Variants in ANKRD30B observed in about 807,000 individuals in gnomAD.
ANKRD30B encodes ankyrin repeat domain-containing protein 30B.
A neutral mutation model predicts 202.2 loss-of-function variants in ANKRD30B; 144 were observed. The observed-to-expected ratio is 0.71, with a 90% CI of 0.62 to 0.82. The LOEUF (loss-of-function observed/expected upper bound fraction) is 0.82. Among genes scored for constraint, ANKRD30B ranks in the 40% least tolerant of loss-of-function variants. The probability of loss-of-function intolerance (pLI) is 0.00; values close to 1 mark genes in which losing one functional copy is unlikely to be tolerated. For synonymous variants in ANKRD30B, 508 were observed against 561.3 expected (o/e 0.91, Z 1.34); for missense variants, 1,487 against 1,669.1 (o/e 0.89, Z 1.90).
At chr18:14,920,115 C>T in the ANKRD30B span, among the ~76,000 whole-genome samples, 1 of 152,340 alleles carries the variant, frequency 6.6e-6, no homozygotes, top group African/African-American at 2.4e-5. Context: ...GTGTTGTGGT[C>T]AGTGGATGGA....
intron 28 of ANKRD30B, among the ~76,000 whole-genome samples, chr18:14,811,123 A>C (rs916873433): frequency 1.6e-4 from 24 of 151,308 alleles, no homozygotes; most frequent in African/African-American, 4.9e-4. Flanking sequence ...AAGCAAACAA[A>C]CAACCATAAA....
chr18:14,883,357 CT>C, the ANKRD30B span, among the ~76,000 whole-genome samples: 13 of 115,750 alleles, frequency 1.1e-4, no homozygotes, highest in African/African-American at 4.5e-4. Flanking sequence ...CTTTCTCTCT[CT>C]CTGTCTGTCT....
intron 37 of ANKRD30B, 141 bp downstream of exon 37, chr18:14,840,819 C>T (rs1160510403): frequency 6.1e-6 from 3 of 491,676 alleles, no homozygotes; most frequent in South Asian, 5.1e-5. Context: ...AGTTATGTGT[C>T]TTCTCAGATG....
intron 11 of ANKRD30B, among the ~76,000 whole-genome samples, chr18:14,781,452 G>A (rs1384890627): frequency 1.9e-5 from 2 of 106,964 alleles, no homozygotes; most frequent in African/African-American, 6.8e-5. Flanking sequence ...CCGCCACCAC[G>A]CCCAGCTAAT....
chr18:14,924,225 G>A, the ANKRD30B span, among the ~76,000 whole-genome samples: 3 of 152,150 alleles, frequency 2.0e-5, no homozygotes, highest in African/African-American at 7.2e-5. Context: ...TGGTATTTTA[G>A]CATTGAAAGA....
the ANKRD30B span, among the ~76,000 whole-genome samples, chr18:14,911,663 T>C: frequency 6.6e-6 from 1 of 152,122 alleles, no homozygotes; most frequent in African/African-American, 2.4e-5. Context: ...CTATGAAAAA[T>C]GATGTTAGTA....
At chr18:14,785,175 C>T (rs1422308120) in intron 14 of ANKRD30B, among the ~76,000 whole-genome samples, 1 of 152,144 alleles carries the variant, frequency 6.6e-6, no homozygotes, top group Non-Finnish European at 1.5e-5. Flanking sequence ...GCTTTAGAGT[C>T]TTTTTACACT....
At chr18:14,834,317 A>C (rs1971082352) in intron 34 of ANKRD30B, among the ~76,000 whole-genome samples, 1 of 152,108 alleles carries the variant, frequency 6.6e-6, no homozygotes, top group Non-Finnish European at 1.5e-5. Flanking sequence ...TTGATTAAAA[A>C]AAATCTAATG....
chr18:14,781,554 A>G (rs1164388912), intron 11 of ANKRD30B, among the ~76,000 whole-genome samples: 1 of 152,204 alleles, frequency 6.6e-6, no homozygotes, highest in African/African-American at 2.4e-5. Context: ...ATCATTTTTA[A>G]CACTAAATAA....
the ANKRD30B span, among the ~76,000 whole-genome samples, chr18:14,935,372 G>A: frequency 6.6e-6 from 1 of 152,158 alleles, no homozygotes; most frequent in Non-Finnish European, 1.5e-5. Context: ...TTTTGTGGCT[G>A]CTCCTCCAGA....
At chr18:14,849,685 A>C (rs1299556920) in intron 40 of ANKRD30B, among the ~76,000 whole-genome samples, 1 of 151,748 alleles carries the variant, frequency 6.6e-6, no homozygotes, top group East Asian at 1.9e-4. Flanking sequence ...TACTCAAAAA[A>C]GAAACAAAAG....
chr18:14,831,195 A>C (rs1206288477), intron 33 of ANKRD30B, among the ~76,000 whole-genome samples, 188 bp from the exon 34 acceptor site: 2 of 150,928 alleles, frequency 1.3e-5, no homozygotes, highest in Admixed American at 6.6e-5. Context: ...AAAAAAAAAA[A>C]AAAAACGAAA....
At chr18:14,829,827 A>C (rs1054436299) in intron 33 of ANKRD30B, among the ~76,000 whole-genome samples, 1 of 152,152 alleles carries the variant, frequency 6.6e-6, no homozygotes, top group Non-Finnish European at 1.5e-5. Context: ...TTTCACCCCA[A>C]ATCTCACAGG....
downstream of ANKRD30B, among the ~76,000 whole-genome samples, chr18:14,858,723 C>G (rs1274705945): frequency 7.3e-6 from 1 of 137,380 alleles, no homozygotes; most frequent in African/African-American, 2.7e-5. Flanking sequence ...ACCTCCCAGA[C>G]GGGGCGGCTG....
At chr18:14,909,001 C>G in the ANKRD30B span, among the ~76,000 whole-genome samples, 1 of 152,180 alleles carries the variant, frequency 6.6e-6, no homozygotes, top group Admixed American at 6.5e-5. Flanking sequence ...TGGAAGGAGA[C>G]AGGGAAGCTG....
chr18:14,879,078 AC>A, the ANKRD30B span, among the ~76,000 whole-genome samples: 113 of 151,806 alleles, frequency 7.4e-4, 2 homozygotes, highest in East Asian at 0.018. Context: ...GACCCGGGGG[AC>A]ACCGCGAAGG....
At chr18:14,899,592 C>T in the ANKRD30B span, among the ~76,000 whole-genome samples, 6 of 152,136 alleles carry the variant, frequency 3.9e-5, no homozygotes, top group Admixed American at 6.5e-5. Context: ...CCAAAACATG[C>T]GACCAACTCC....
Position 14,763,728 on chromosome 18 carries a change from C to T in ANKRD30B, c.863C>T (p.Ala288Val), listed in dbSNP as rs1036237764. 1.9e-5 allele frequency: 31 copies of T among 1,613,946 alleles called. No individual in the cohort carries two copies. The highest frequency in any genetic ancestry group is 5.3e-5 in the African/African-American group (4 of 75,010). ...TGTPDEAAPL[A>V]ERTPDTAESL... The stretch of plus-strand genomic sequence containing the variant: ...ACACCTGATGAGGCTGCACCCTTGG[C>T]GGAAAGAACACCTGACACGGCTGAA... The change falls in exon 7 of 44, where the codon GCG becomes GTG. Residue 288 changes from alanine (A) to valine (V), a missense_variant. Ala to Val is a moderately conservative substitution (Grantham distance 64). Transcript: ENST00000690538.
At chr18:14,792,216 GC>G (rs1233925577) in intron 16 of ANKRD30B, among the ~76,000 whole-genome samples, 3 of 152,170 alleles carry the variant, frequency 2.0e-5, no homozygotes, top group Admixed American at 2.0e-4. Context: ...TGATGCTATT[GC>G]TGGTGGTCCT....
Sources: gnomAD v4.1 joint callset for allele counts (sites outside exome capture counted in the v4.1 genomes callset) on GRCh38, gnomAD v4.1.1 for gene constraint, MANE v1.5 for transcripts, NCBI Gene and HGNC (gene_info 2026-07-23, HGNC 2026-07-21) for gene names.